Variants in NXPE2 observed in about 807,000 individuals in gnomAD.
NXPE2 encodes the protein NXPE family member 2.
A neutral mutation model predicts 34.4 loss-of-function variants in NXPE2; 34 were observed. The ratio of observed to expected loss-of-function variants is 0.99; its 90% CI spans 0.75 to 1.31. The LOEUF is 1.31. Ranked by LOEUF, NXPE2 falls within the 40% of genes most tolerant of loss-of-function variation. The probability of loss-of-function intolerance (pLI) is 0.00; values close to 1 mark genes in which losing one functional copy is unlikely to be tolerated. For missense variants in NXPE2, 649 were observed against 672.5 expected, an observed-to-expected ratio of 0.97 and a Z score of 0.39; for synonymous variants, 235 against 231.3, an observed-to-expected ratio of 1.02 and a Z score of -0.15.
At chr11:114,739,675 C>T in the NXPE2 span, among the ~76,000 whole-genome samples, 4 of 152,022 alleles carry the variant, frequency 2.6e-5, no homozygotes, top group Non-Finnish European at 5.9e-5. Flanking sequence ...TACATTAGGT[C>T]TCCAGAAGTG....
the NXPE2 span, among the ~76,000 whole-genome samples, chr11:114,590,684 C>A: frequency 6.6e-6 from 1 of 152,094 alleles, no homozygotes; most frequent in Non-Finnish European, 1.5e-5. Flanking sequence ...GGCCTGAGGA[C>A]CAGCTCAACA....
At chr11:114,668,686 A>ACTT in the NXPE2 span, among the ~76,000 whole-genome samples, 1 of 152,050 alleles carries the variant, frequency 6.6e-6, no homozygotes, top group Non-Finnish European at 1.5e-5. Flanking sequence ...AGAGACCATG[A>ACTT]CTTATCTTTA....
At chr11:114,607,403 T>C in the NXPE2 span, among the ~76,000 whole-genome samples, 1 of 151,892 alleles carries the variant, frequency 6.6e-6, no homozygotes. Flanking sequence ...GGGTAACCAC[T>C]GTTACCTGGT....
the NXPE2 span, among the ~76,000 whole-genome samples, chr11:114,657,773 C>T: frequency 1.6e-4 from 24 of 152,226 alleles, no homozygotes; most frequent in Admixed American, 3.9e-4. Flanking sequence ...TGATTTAGCA[C>T]TTACCATTAT....
At chr11:114,755,490 T>C in the NXPE2 span, among the ~76,000 whole-genome samples, 1 of 152,212 alleles carries the variant, frequency 6.6e-6, no homozygotes, top group South Asian at 2.1e-4. Flanking sequence ...ATCCTGGATG[T>C]GTGCTCTTCT....
chr11:114,553,226 T>C, the NXPE2 span, among the ~76,000 whole-genome samples: 2 of 152,228 alleles, frequency 1.3e-5, no homozygotes, highest in Non-Finnish European at 2.9e-5. Flanking sequence ...TAATATGTGC[T>C]ATACTGTTGT....
chr11:114,521,495 T>A, the NXPE2 span: 1 of 153,914 alleles, frequency 6.5e-6, no homozygotes, highest in Non-Finnish European at 1.4e-5. Context: ...ATACATATTT[T>A]CTGTTCCAGT....
the NXPE2 span, among the ~76,000 whole-genome samples, chr11:114,627,869 C>T: frequency 6.6e-6 from 1 of 151,336 alleles, no homozygotes; most frequent in African/African-American, 2.4e-5. Context: ...GGATTGCAAT[C>T]CTAGTCTCTG....
At chr11:114,781,347 C>T in the NXPE2 span, among the ~76,000 whole-genome samples, 1 of 152,216 alleles carries the variant, frequency 6.6e-6, no homozygotes, top group African/African-American at 2.4e-5. Flanking sequence ...AAGCACCATC[C>T]TCATCCCTGG....
chr11:114,773,279 A>ACCCCCCCCCCCCCCCCCCCCC, the NXPE2 span, among the ~76,000 whole-genome samples: 3 of 69,362 alleles, frequency 4.3e-5, no homozygotes, highest in Non-Finnish European at 5.6e-5. Flanking sequence ...ACCCACTCCC[A>ACCCCCCCCCCCCCCCCCCCCC]CCCCCCCCCC....
the NXPE2 span, among the ~76,000 whole-genome samples, chr11:114,539,199 C>T: frequency 4.0e-5 from 6 of 150,316 alleles, no homozygotes; most frequent in Admixed American, 6.7e-5. Flanking sequence ...AACCAAATAC[C>T]GCATGTTCTC....
At chr11:114,580,446 G>A in the NXPE2 span, 1 of 857,092 alleles carries the variant, frequency 1.2e-6, no homozygotes, top group South Asian at 1.6e-5. Flanking sequence ...TAAGGTGGTG[G>A]TAATGGTGGA....
chr11:114,513,048 A>G, the NXPE2 span: 10 of 452,018 alleles, frequency 2.2e-5, no homozygotes, highest in Non-Finnish European at 4.0e-5. Flanking sequence ...CCCCCCCAGA[A>G]CAAAGTGAAT....
At chr11:114,779,890 A>G in the NXPE2 span, among the ~76,000 whole-genome samples, 53 of 152,196 alleles carry the variant, frequency 3.5e-4, no homozygotes, top group African/African-American at 1.1e-3. Context: ...GACGAAAAAG[A>G]AGGAGTCTTC....
the NXPE2 span, among the ~76,000 whole-genome samples, chr11:114,794,134 G>T: frequency 1.3e-5 from 2 of 151,990 alleles, no homozygotes; most frequent in Admixed American, 1.3e-4. Flanking sequence ...AGTCTCTCCC[G>T]TCGGCTCTCC....
chr11:114,475,224 CTGTTTTTTTTTTTTTTTTTT>C, the NXPE2 span, among the ~76,000 whole-genome samples: 1 of 72,840 alleles, frequency 1.4e-5, no homozygotes, highest in African/African-American at 4.2e-5. Context: ...TTAATGTGAA[CTGTTTTTTTTTTTTTTTTTT>C]TTTTTTTTTT....
the NXPE2 span, among the ~76,000 whole-genome samples, chr11:114,639,005 C>G: frequency 1.3e-5 from 2 of 152,072 alleles, no homozygotes; most frequent in Non-Finnish European, 2.9e-5. Flanking sequence ...AGCTGTCAGA[C>G]TGGGACATTT....
the NXPE2 span, among the ~76,000 whole-genome samples, chr11:114,593,826 G>A: frequency 2.6e-5 from 4 of 152,066 alleles, no homozygotes; most frequent in African/African-American, 9.7e-5. Flanking sequence ...TATACACAAC[G>A]GAGTAGTATT....
At chr11:114,748,896 A>G in the NXPE2 span, among the ~76,000 whole-genome samples, 1 of 152,206 alleles carries the variant, frequency 6.6e-6, no homozygotes, top group East Asian at 1.9e-4. Flanking sequence ...TTTCCATTTT[A>G]TTCAATGGAT....
Sources: allele counts gnomAD v4.1 joint callset (sites outside exome capture counted in the v4.1 genomes callset), GRCh38; gene constraint gnomAD v4.1.1; transcripts MANE v1.5; gene names NCBI Gene and HGNC (gene_info 2026-07-23, HGNC 2026-07-21).